Variants in RIC1 observed in about 807,000 individuals in gnomAD.
The protein encoded by RIC1 is guanine nucleotide exchange factor subunit RIC1.
RIC1 carries 88 observed loss-of-function variants against 169.0 expected under a neutral mutation model. The ratio of observed to expected loss-of-function variants is 0.52; its 90% confidence interval spans 0.44 to 0.62. The LOEUF is 0.62. Ranked by LOEUF, RIC1 falls within the 20% of genes least tolerant of loss-of-function variation. The pLI, the probability that RIC1 is intolerant of heterozygous loss-of-function variation, is 0.00. For synonymous variants in RIC1, 790 were observed against 601.5 expected, an observed-to-expected ratio of 1.31 and a Z score of -4.59; for missense variants, 1,877 against 1,725.5, an observed-to-expected ratio of 1.09 and a Z score of -1.56.
chr9:5,698,149 T>A (rs1822013145), intron 3 of RIC1, among the ~76,000 whole-genome samples: 1 of 152,258 alleles, frequency 6.6e-6, no homozygotes, highest in Non-Finnish European at 1.5e-5. Context: ...TGGTATCTCC[T>A]GCACAGAAGA....
At chr9:5,647,644 G>A (rs1465788265) in intron 1 of RIC1, among the ~76,000 whole-genome samples, 1 of 152,116 alleles carries the variant, frequency 6.6e-6, no homozygotes, top group Non-Finnish European at 1.5e-5. Context: ...GTTTGTTGTT[G>A]TTGTGGAATC....
chr9:5,749,915 A>AT (rs1188116848), intron 12 of RIC1, among the ~76,000 whole-genome samples: 1 of 151,526 alleles, frequency 6.6e-6, no homozygotes, highest in African/African-American at 2.4e-5. Context: ...AGTAGCTGGG[A>AT]TTACAGGCAC....
At chr9:5,765,297 T>C (rs1826646838) in intron 19 of RIC1, 117 bp from the exon 20 acceptor site, 1 of 1,064,766 alleles carries the variant, frequency 9.4e-7, no homozygotes, top group East Asian at 2.5e-5. Flanking sequence ...ATTATTAAAC[T>C]AACCCCTGTG....
At chr9:5,732,275 A>G (rs1477762237) in intron 6 of RIC1, 113 bp from the exon 7 acceptor site, 4 of 818,436 alleles carry the variant, frequency 4.9e-6, no homozygotes, top group East Asian at 2.6e-5. Flanking sequence ...TCCTCTGCAG[A>G]TGAAACCAAA....
Position 5,743,727 on chromosome 9 carries a change from T to G in RIC1, c.1085T>G (p.Ile362Ser). 1 of 1,609,488 alleles carries G rather than the reference T, an allele frequency of 6.2e-7. No homozygotes were observed. The highest frequency in any genetic ancestry group is 8.5e-7 in the Non-Finnish European group (1 of 1,176,564). The change falls in exon 10 of 26, where the codon ATC becomes AGC. Residue 362 changes from isoleucine to serine, a missense_variant. Around this residue, in one of 3 missense-constraint regions of RIC1, gnomAD observed 1,104 missense variants for 992.0 expected, o/e 1.11. Transcript: ENST00000414202. Reference sequence around the variant, plus strand: ...GGCACCAAAAAAGATCCCCTTAAGATCAACTCTATGGTAAGTACTTTCTAT... The same window carrying G: ...GGCACCAAAAAAGATCCCCTTAAGAGCAACTCTATGGTAAGTACTTTCTAT... ...SDGTKKDPLK[I>S]NSMSWGAEGY...
At chr9:5,689,225 A>G (rs1821449823) in intron 2 of RIC1, among the ~76,000 whole-genome samples, 1 of 150,346 alleles carries the variant, frequency 6.7e-6, no homozygotes, top group African/African-American at 2.4e-5. Flanking sequence ...ATTTTTTTGT[A>G]TTTTTTTAGT....
At chr9:5,633,711 C>G (rs537894916) in intron 1 of RIC1, among the ~76,000 whole-genome samples, 332 of 152,266 alleles carry the variant, frequency 2.2e-3, no homozygotes, top group Middle Eastern at 0.017. Context: ...ACACAGCTCC[C>G]TCTTTTTTTG....
At chr9:5,678,121 G>C (rs74595338) in intron 2 of RIC1, among the ~76,000 whole-genome samples, 4,483 of 152,038 alleles carry the variant, frequency 0.029, 69 homozygotes, top group Non-Finnish European at 0.035. Context: ...CCTTGGGATA[G>C]TTTGCTGAGA....
chr9:5,679,362 T>C (rs556107290), intron 2 of RIC1, among the ~76,000 whole-genome samples: 1 of 152,210 alleles, frequency 6.6e-6, no homozygotes, highest in Non-Finnish European at 1.5e-5. Context: ...AGTAGTTTTT[T>C]CCAATTCTGT....
At chr9:5,755,730 C>G (rs888801325) in intron 15 of RIC1, among the ~76,000 whole-genome samples, 3 of 152,044 alleles carry the variant, frequency 2.0e-5, no homozygotes, top group Admixed American at 2.0e-4. Context: ...CAAGACCAGC[C>G]AGGCCAACAT....
intron 2 of RIC1, among the ~76,000 whole-genome samples, chr9:5,678,643 C>G (rs1471681211): frequency 6.6e-6 from 1 of 152,078 alleles, no homozygotes; most frequent in Non-Finnish European, 1.5e-5. Flanking sequence ...GCATAAATGT[C>G]TTCTTTTGAG....
rs148160715 is a variant in RIC1, at chr9:5,763,302, A to G, written c.2275A>G (p.Lys759Glu). The change falls in exon 19 of 26, where the codon AAG becomes GAG. Residue 759 changes from lysine (K) to glutamate (E), a missense_variant. Around this residue, in one of 3 missense-constraint regions of RIC1, gnomAD observed 1,104 missense variants for 992.0 expected, o/e 1.11. Transcript: ENST00000414202. The surrounding 1 kb of genome is among the most constrained non-coding windows in gnomAD (Gnocchi z 5.2). ...CCCTCTCTTCCCTAGGGATCACCGC[A>G]AGCCCCATTCCTTCTTGTCCCAGCG... ...WLPLFPRDHR[K>E]PHSFLSQRIM... 6.2e-7 allele frequency: 1 copy of G among 1,614,046 alleles called. No individual in the cohort carries two copies. The highest frequency in any genetic ancestry group is 1.7e-5 in the Admixed American group (1 of 60,004).
chr9:5,757,733 G>A (rs1046133195), intron 17 of RIC1, among the ~76,000 whole-genome samples: 14 of 152,220 alleles, frequency 9.2e-5, no homozygotes, highest in African/African-American at 3.1e-4. Context: ...TGAACAGTCA[G>A]AGATTTCTGT....
At chr9:5,673,542 A>ATG (rs1170122678) in intron 2 of RIC1, among the ~76,000 whole-genome samples, 1 of 143,572 alleles carries the variant, frequency 7.0e-6, no homozygotes, top group African/African-American at 2.7e-5. Flanking sequence ...GGAGATATAT[A>ATG]TATATATATA....
chr9:5,757,562 C>T, intron 17 of RIC1, 111 bp downstream of exon 17: 1 of 1,128,034 alleles, frequency 8.9e-7, no homozygotes, highest in Non-Finnish European at 1.3e-6. Context: ...CTAAAATGTA[C>T]CTTATATGAG....
At position 5,743,971 on chromosome 9, in the gene RIC1, T is replaced by A. The variant is rs539208884; in HGVS notation, c.1095+234T>A. On this transcript the variant is annotated intron_variant, in intron 10 of 25. Coordinates refer to ENST00000414202, the MANE Select transcript of RIC1 (RefSeq NM_020829.4). Reference sequence around the variant, plus strand: ...ACCACTATCCACACACGGTTAATTTTTTTGATTTTTAGTAGAGACGTGGTC... The same window carrying A: ...ACCACTATCCACACACGGTTAATTTATTTGATTTTTAGTAGAGACGTGGTC... Among the ~76,000 whole-genome samples the A allele has an allele frequency of 1.3e-3, 203 of 152,286 alleles. 1 individual carries two copies. The highest frequency in any genetic ancestry group is 4.8e-3 in the African/African-American group (200 of 41,552).
intron 2 of RIC1, among the ~76,000 whole-genome samples, chr9:5,676,462 A>G (rs1820449666): frequency 6.6e-6 from 1 of 152,212 alleles, no homozygotes; most frequent in Non-Finnish European, 1.5e-5. Context: ...TATTCATAAC[A>G]ATCCTCTCAA....
At chr9:5,699,769 C>G (rs1409215461) in intron 3 of RIC1, among the ~76,000 whole-genome samples, 1 of 152,050 alleles carries the variant, frequency 6.6e-6, no homozygotes, top group Non-Finnish European at 1.5e-5. Context: ...CACTCTGATT[C>G]TGAAACTAAA....
In RIC1 at chr9:5,754,831, T is replaced by A. The variant is rs768708926; in HGVS notation, c.1603-10T>A. 1 of 1,529,938 alleles carries A rather than the reference T, an allele frequency of 6.5e-7. No individual in the cohort carries two copies. The highest frequency in any genetic ancestry group is 8.9e-7 in the Non-Finnish European group (1 of 1,126,566). The allele number at this position is 1,529,938 out of a possible 1,614,324, so 94.8% of individuals were successfully genotyped here. The stretch of plus-strand genomic sequence containing the variant: ...ATAAGGTAAATTTTTTAAAAAATTT[T>A]TATTTTAAGGAGCAAAATATGATCG... On this transcript the variant is annotated splice_polypyrimidine_tract_variant and intron_variant, in intron 14 of 25. Coordinates refer to ENST00000414202, the MANE Select transcript of RIC1 (RefSeq NM_020829.4).
Sources: gnomAD v4.1 joint callset for allele counts (sites outside exome capture counted in the v4.1 genomes callset) on GRCh38, gnomAD v4.1.1 for gene constraint, gnomAD v4.1.1 regional missense constraint, Gnocchi (gnomAD v3.1) non-coding constraint, MANE v1.5 for transcripts, NCBI Gene and HGNC (gene_info 2026-07-23, HGNC 2026-07-21) for gene names.